The following INPP5A variants were observed in gnomAD, a reference collection of about 807,000 sequenced individuals.
INPP5A encodes the protein inositol polyphosphate-5-phosphatase A, also known as 43 kDa inositol polyphosphate 5-phophatase.
In INPP5A, 14 loss-of-function variants were observed where a neutral mutation model predicts 65.2. The ratio of observed to expected loss-of-function variants is 0.21; its 90% CI spans 0.14 to 0.34. The LOEUF is 0.34. Ranked by LOEUF, INPP5A falls within the 10% of genes least tolerant of loss-of-function variation. The probability of loss-of-function intolerance (pLI) is 1.00; values close to 1 mark genes in which losing one functional copy is unlikely to be tolerated. For missense variants in INPP5A, 431 were observed against 545.6 expected, an observed-to-expected ratio of 0.79 and a Z score of 2.09; for synonymous variants, 207 against 208.3, an observed-to-expected ratio of 0.99 and a Z score of 0.05.
Position 132,704,440 on chromosome 10 carries a change from G to T in INPP5A, c.475-3873G>T, listed in dbSNP as rs1360609267. Among the ~76,000 whole-genome samples the T allele has an allele frequency of 6.6e-6, 1 of 152,220 alleles. No homozygotes were observed. The highest frequency in any genetic ancestry group is 1.5e-5 in the Non-Finnish European group (1 of 68,044). On this transcript the variant is annotated intron_variant, in intron 6 of 15. Transcript: ENST00000368594. The surrounding 1 kb of genome is among the most constrained non-coding windows in gnomAD (Gnocchi z 4.5). ...TGAGCCTCAGTTTCCCTTTCTGGTC[G>T]GCCCGAGGGTTGGGTGTGTGCCTGT...
chr10:132,763,099 G>GC (rs1289965859), intron 11 of INPP5A, among the ~76,000 whole-genome samples: 1 of 152,244 alleles, frequency 6.6e-6, no homozygotes, highest in Non-Finnish European at 1.5e-5. Flanking sequence ...ATCCCCTCCT[G>GC]CCAGTGCCTT....
rs749942469 is a variant in INPP5A at position 132,708,369 on chromosome 10, C to G, written c.527+4C>G. On this transcript the variant is annotated splice_donor_region_variant and intron_variant, in intron 7 of 15. Coordinates refer to ENST00000368594, the MANE Select transcript of INPP5A (RefSeq NM_005539.5). ...CGAGGTGGTGCATTGCAGACTGGTA[C>G]GTGGTGTCTGTGCTTTGTCAATTTC... 3.1e-6 allele frequency: 5 copies of G among 1,613,402 alleles called. No individual in the cohort carries two copies. The highest frequency in any genetic ancestry group is 4.2e-6 in the Non-Finnish European group (5 of 1,179,328).
chr10:132,660,098 T>A (rs550556224), intron 4 of INPP5A, among the ~76,000 whole-genome samples: 1 of 152,376 alleles, frequency 6.6e-6, no homozygotes, highest in Non-Finnish European at 1.5e-5. Flanking sequence ...ACACGGCACA[T>A]TATAATGATG....
chr10:132,661,102 C>T (rs538830249), intron 4 of INPP5A, among the ~76,000 whole-genome samples: 2 of 152,306 alleles, frequency 1.3e-5, no homozygotes, highest in Admixed American at 6.5e-5. Context: ...CCCCCACCCA[C>T]AATCCAGCCA....
intron 2 of INPP5A, among the ~76,000 whole-genome samples, chr10:132,633,877 G>T (rs1165675819): frequency 6.6e-6 from 1 of 152,220 alleles, no homozygotes; most frequent in East Asian, 1.9e-4. Flanking sequence ...AACATGGAGA[G>T]AATCCTTTCC....
chr10:132,749,683 C>T (rs983364721), intron 10 of INPP5A, 71 bp downstream of exon 10: 19 of 1,596,330 alleles, frequency 1.2e-5, no homozygotes, highest in East Asian at 4.5e-5. Context: ...CCTTCAGAGC[C>T]GCCCTGCCTG....
At chr10:132,752,111 G>GTGCCCAGGAGGCGTCTGGGTGGAGGTGGC (rs1564999639) in intron 11 of INPP5A, among the ~76,000 whole-genome samples, 2 of 144,302 alleles carry the variant, frequency 1.4e-5, no homozygotes, top group African/African-American at 2.5e-5. Context: ...GTGGAGGCGG[G>GTGCCCAGGAGGCGTCTGGGTGGAGGTGGC]TGCCCAGGAG....
chr10:132,677,849 C>T (rs1174960416), intron 4 of INPP5A, among the ~76,000 whole-genome samples: 3 of 152,220 alleles, frequency 2.0e-5, no homozygotes, highest in Non-Finnish European at 4.4e-5. Flanking sequence ...CAGCAACCCG[C>T]GTGCAGAATG....
intron 4 of INPP5A, among the ~76,000 whole-genome samples, chr10:132,669,184 C>T (rs191707497): frequency 5.3e-5 from 8 of 152,258 alleles, no homozygotes; most frequent in South Asian, 4.1e-4. Context: ...ACCCAGGAGG[C>T]GGAGCTTGCA....
chr10:132,697,946 G>A lies in INPP5A; in HGVS notation c.474+27G>A, dbSNP rs371146027. On this transcript the variant is annotated intron_variant, in intron 6 of 15. Transcript: ENST00000368594. This position sits in a 1 kb window ranked among gnomAD's most constrained non-coding sequence, Gnocchi z 5.6. Reference sequence around the variant, plus strand: ...TACGTAGCGAGGCTTTCTCACTGACGTGTTTACTTCTCAGAGTGAGCCAGT... The same window carrying A: ...TACGTAGCGAGGCTTTCTCACTGACATGTTTACTTCTCAGAGTGAGCCAGT... The A allele has an allele frequency of 2.4e-5, 35 of 1,467,972 alleles. No homozygotes were observed. The highest frequency in any genetic ancestry group is 3.4e-5 in the Admixed American group (2 of 58,824). The allele number at this position is 1,467,972 out of a possible 1,614,324, so 90.9% of individuals were successfully genotyped here. A position where few individuals can be genotyped will look rare whatever the true frequency, so the allele number is the denominator to read the frequency against.
rs892496345 is a variant in INPP5A at position 132,550,248 on chromosome 10, G to T, written c.75+12077G>T. On this transcript the variant is annotated intron_variant, in intron 1 of 15. Coordinates refer to ENST00000368594, the MANE Select transcript of INPP5A (RefSeq NM_005539.5). The surrounding 1 kb of genome is among the most constrained non-coding windows in gnomAD (Gnocchi z 4.2). ...CACTGTTTAGGGTCAGAGTGGTCCCGCAGGTTAATTCACTTCACCCAGCCT... is the reference window on the plus strand; with the variant it reads ...CACTGTTTAGGGTCAGAGTGGTCCCTCAGGTTAATTCACTTCACCCAGCCT... Among the ~76,000 whole-genome samples, 1 of 152,180 alleles carries T rather than the reference G, an allele frequency of 6.6e-6. No individual in the cohort carries two copies. The highest frequency in any genetic ancestry group is 1.5e-5 in the Non-Finnish European group (1 of 68,024).
intron 1 of INPP5A, among the ~76,000 whole-genome samples, chr10:132,594,378 C>G (rs189998687): frequency 6.6e-6 from 1 of 152,334 alleles, no homozygotes; most frequent in Admixed American, 6.5e-5. Flanking sequence ...GCGGAACGTA[C>G]TGAGACTTCC....
intron 9 of INPP5A, among the ~76,000 whole-genome samples, chr10:132,749,017 C>T (rs188399110): frequency 6.6e-6 from 1 of 152,396 alleles, no homozygotes; most frequent in East Asian, 1.9e-4. Context: ...CGTGTGACCT[C>T]AGCCATCCCT....
Position 132,708,373 on chromosome 10 carries a change from G to A in INPP5A, c.527+8G>A, listed in dbSNP as rs1845573206. The A allele has an allele frequency of 3.7e-6, 6 of 1,613,434 alleles. No homozygotes were observed. Among genetic ancestry groups the A allele is most frequent in the South Asian group, 1.1e-5 (1 of 91,070 alleles). ...GTGGTGCATTGCAGACTGGTACGTG[G>A]TGTCTGTGCTTTGTCAATTTCCATA... is the stretch of plus-strand genomic sequence containing the variant. On this transcript the variant is annotated splice_region_variant and intron_variant, in intron 7 of 15. Transcript: ENST00000368594.
chr10:132,732,826 C>G (rs192641459), intron 9 of INPP5A, among the ~76,000 whole-genome samples: 3 of 152,250 alleles, frequency 2.0e-5, no homozygotes, highest in Non-Finnish European at 4.4e-5. Context: ...CACGGCCTGT[C>G]TTCTGTTTGC....
At chr10:132,580,403 T>C (rs563152002) in intron 1 of INPP5A, among the ~76,000 whole-genome samples, 1 of 152,316 alleles carries the variant, frequency 6.6e-6, no homozygotes, top group Non-Finnish European at 1.5e-5. Context: ...TTTCTTCTTC[T>C]TCACCTTCCG....
Position 132,659,538 on chromosome 10 carries a change from C to T in INPP5A, c.306+9033C>T, listed in dbSNP as rs926029063. ...CAGGTTATCCAGTGTTCCTTCTCAG[C>T]GAGCAGCTCCCATGGCAGTCCATTC... On this transcript the variant is annotated intron_variant, in intron 4 of 15. Transcript: ENST00000368594. This position sits in a 1 kb window ranked among gnomAD's most constrained non-coding sequence, Gnocchi z 5.5. Among the ~76,000 whole-genome samples the T allele has an allele frequency of 3.9e-5, 6 of 152,350 alleles. No individual in the cohort carries two copies. The highest frequency in any genetic ancestry group is 7.2e-5 in the African/African-American group (3 of 41,586).
Position 132,769,644 on chromosome 10 carries a change from C to T in INPP5A, c.977+3798C>T, listed in dbSNP as rs566250979. Reference sequence around the variant, plus strand: ...GAAACCAGGCGGCTATGAGTGGATGCGGGGTCAGGTGGCGTCAGCCCTTAG... The same window carrying T: ...GAAACCAGGCGGCTATGAGTGGATGTGGGGTCAGGTGGCGTCAGCCCTTAG... On this transcript the variant is annotated intron_variant, in intron 12 of 15. Coordinates refer to ENST00000368594, the MANE Select transcript of INPP5A (RefSeq NM_005539.5). 3.9e-5 allele frequency among the ~76,000 whole-genome samples: 6 copies of T among 152,306 alleles called. No homozygotes were observed. In the South Asian group the frequency reaches 6.2e-4, roughly 16 times the overall value.
intron 4 of INPP5A, among the ~76,000 whole-genome samples, chr10:132,689,211 G>A (rs1359637289): frequency 1.3e-5 from 2 of 152,240 alleles, no homozygotes; most frequent in African/African-American, 4.8e-5. Flanking sequence ...GCCCTGTTCA[G>A]AATGCAGAGT....
Sources: gnomAD v4.1 joint callset for allele counts (sites outside exome capture counted in the v4.1 genomes callset) on GRCh38, gnomAD v4.1.1 for gene constraint, Gnocchi (gnomAD v3.1) non-coding constraint, MANE v1.5 for transcripts, NCBI Gene and HGNC (gene_info 2026-07-23, HGNC 2026-07-21) for gene names.